Variants in PIGN observed in about 807,000 individuals in gnomAD.
PIGN encodes phosphatidylinositol glycan anchor biosynthesis class N.
A neutral mutation model predicts 125.4 loss-of-function variants in PIGN; 117 were observed. That is an observed-to-expected ratio of 0.93 (90% CI 0.80 to 1.09). The LOEUF is 1.09. Ranked by LOEUF, PIGN falls within the 50% of genes least tolerant of loss-of-function variation. PIGN has a pLI of 0.00. For missense variants in PIGN, 1,075 were observed against 1,094.9 expected (o/e 0.98, Z 0.26); for synonymous variants, 392 against 377.8 (o/e 1.04, Z -0.44).
intron 15 of PIGN, among the ~76,000 whole-genome samples, chr18:62,113,787 T>C (rs147008523): frequency 3.3e-5 from 5 of 152,160 alleles, no homozygotes; most frequent in African/African-American, 1.2e-4. Flanking sequence ...AATGCACGGA[T>C]TGGCAATTAT....
At chr18:62,153,604 T>C (rs2147430071) in intron 7 of PIGN, 1 of 152,294 alleles carries the variant, frequency 6.6e-6, no homozygotes, top group Admixed American at 6.5e-5. Flanking sequence ...AATCATTTTC[T>C]TACACAGATT....
intron 21 of PIGN, 70 bp from the exon 22 acceptor site, chr18:62,101,253 G>GTCTT (rs2034428111): frequency 2.4e-6 from 2 of 831,598 alleles, no homozygotes; most frequent in Non-Finnish European, 4.0e-6. Flanking sequence ...AAGAATGTAA[G>GTCTT]ACATTCTTAT....
At chr18:62,124,462 T>C (rs2035425457) in intron 14 of PIGN, among the ~76,000 whole-genome samples, 1 of 152,178 alleles carries the variant, frequency 6.6e-6, no homozygotes, top group Non-Finnish European at 1.5e-5. Flanking sequence ...TAAATCTCAC[T>C]AGCAAGGTAA....
chr18:62,093,857 T>C (rs2034067981), intron 23 of PIGN, among the ~76,000 whole-genome samples: 1 of 152,128 alleles, frequency 6.6e-6, no homozygotes, highest in African/African-American at 2.4e-5. Context: ...GCAAAACTGA[T>C]TTGACACTGA....
chr18:62,180,974 A>G (rs1347407034), intron 1 of PIGN, among the ~76,000 whole-genome samples: 1 of 152,082 alleles, frequency 6.6e-6, no homozygotes, highest in Non-Finnish European at 1.5e-5. Flanking sequence ...ACCTTTCATT[A>G]TTTAAAATTT....
chr18:62,086,119 T>G (rs2033686611), intron 25 of PIGN, among the ~76,000 whole-genome samples: 1 of 151,754 alleles, frequency 6.6e-6, no homozygotes, highest in Admixed American at 6.6e-5. Context: ...AATATAAACA[T>G]AAATAAAATA....
intron 23 of PIGN, among the ~76,000 whole-genome samples, chr18:62,020,507 G>GT (rs35743229): frequency 0.35 from 52,564 of 148,162 alleles, 10,437 homozygotes; most frequent in Admixed American, 0.46. Context: ...CTTTAAAACA[G>GT]TTTTTTTTTT....
chr18:62,057,086 A>T (rs139378147), intron 30 of PIGN, among the ~76,000 whole-genome samples: 1 of 152,198 alleles, frequency 6.6e-6, no homozygotes, highest in Non-Finnish European at 1.5e-5. Context: ...GGACCACTGT[A>T]CTAAAGGACT....
intron 6 of PIGN, among the ~76,000 whole-genome samples, chr18:62,155,554 G>C (rs964067669): frequency 6.6e-6 from 1 of 151,814 alleles, no homozygotes; most frequent in Non-Finnish European, 1.5e-5. Flanking sequence ...GGGCAACAAG[G>C]GCAAAACTCC....
At chr18:62,036,456 G>T (rs1194706238), downstream of PIGN, among the ~76,000 whole-genome samples, 1 of 152,142 alleles carries the variant, frequency 6.6e-6, no homozygotes, top group Non-Finnish European at 1.5e-5. Context: ...AAAAAGGAGA[G>T]TGGATACTGG....
rs145498211 is a variant in PIGN at position 62,164,143 on chromosome 18, A to T, written c.-235-487T>A. On this transcript the variant is annotated intron_variant, in intron 1 of 30. Coordinates refer to ENST00000640252, the MANE Select transcript of PIGN (RefSeq NM_176787.5). Reference sequence around the variant, plus strand: ...TGAGTGATATTATGAACATGGGTACACAATCAGTTTTGTTTTAAAATAAAC... The same window carrying T: ...TGAGTGATATTATGAACATGGGTACTCAATCAGTTTTGTTTTAAAATAAAC... 1.6e-3 allele frequency among the ~76,000 whole-genome samples: 240 copies of T among 152,318 alleles called. 1 individual carries two copies. The highest frequency in any genetic ancestry group is 5.4e-3 in the African/African-American group (224 of 41,580).
At chr18:62,050,784 T>G (rs1234773599) in intron 30 of PIGN, among the ~76,000 whole-genome samples, 1 of 152,098 alleles carries the variant, frequency 6.6e-6, no homozygotes, top group East Asian at 1.9e-4. Flanking sequence ...GTGTCAGTTT[T>G]CAAAGGGAAT....
At chr18:62,104,231 T>G (rs2034553323) in intron 20 of PIGN, among the ~76,000 whole-genome samples, 1 of 152,222 alleles carries the variant, frequency 6.6e-6, no homozygotes, top group Admixed American at 6.5e-5. Context: ...ATTTCTCATA[T>G]TTTAACAAGT....
intron 30 of PIGN, among the ~76,000 whole-genome samples, chr18:62,046,287 C>T (rs549450531): frequency 7.2e-5 from 11 of 152,002 alleles, no homozygotes; most frequent in African/African-American, 2.4e-4. Context: ...CTCCTGTATA[C>T]TTCAGACCAG....
At chr18:62,183,140 A>G (rs896254900) in intron 1 of PIGN, among the ~76,000 whole-genome samples, 1 of 152,204 alleles carries the variant, frequency 6.6e-6, no homozygotes, top group Non-Finnish European at 1.5e-5. Flanking sequence ...AAGGTAATGC[A>G]TTTGTTACTT....
At position 62,119,135 on chromosome 18, in the gene PIGN, C is replaced by T. The variant is rs142916117; in HGVS notation, c.1173-4496G>A. Among the ~76,000 whole-genome samples the T allele has an allele frequency of 1.6e-3, 240 of 152,188 alleles. 1 individual carries two copies. Among genetic ancestry groups the T allele is most frequent in the African/African-American group, 5.4e-3 (223 of 41,528 alleles). On this transcript the variant is annotated intron_variant, in intron 14 of 30. Coordinates refer to ENST00000640252, the MANE Select transcript of PIGN (RefSeq NM_176787.5). ...TCAAAGGAGGCTTAAAATCGCAGCA[C>T]GGCCTTGAGTCAGCCACTACTCTTT...
Position 62,138,611 on chromosome 18 carries a change from T to C in PIGN, c.1117-313A>G, listed in dbSNP as rs560176846. ...AAGCATTAAGAATAACAGAAGGTTT[T>C]AGTCAAAGGGTCACCTCTTTAAATT... is the stretch of plus-strand genomic sequence containing the variant. On this transcript the variant is annotated intron_variant, in intron 13 of 30. Coordinates refer to ENST00000640252, the MANE Select transcript of PIGN (RefSeq NM_176787.5). 2.6e-4 allele frequency among the ~76,000 whole-genome samples: 40 copies of C among 152,334 alleles called. 1 individual carries two copies. In the South Asian group the frequency reaches 7.9e-3, roughly 30 times the overall value.
chr18:62,065,944 G>A (rs1465965071), intron 30 of PIGN, among the ~76,000 whole-genome samples: 2 of 152,082 alleles, frequency 1.3e-5, no homozygotes, highest in African/African-American at 4.8e-5. Context: ...CTGTTCAGGG[G>A]CCTGCTTCTG....
At chr18:62,145,283 G>A (rs2036283065) in intron 10 of PIGN, among the ~76,000 whole-genome samples, 1 of 152,106 alleles carries the variant, frequency 6.6e-6, no homozygotes, top group East Asian at 1.9e-4. Context: ...CTGGCCTTTT[G>A]TCAATGTCTC....
Sources: allele counts gnomAD v4.1 joint callset (sites outside exome capture counted in the v4.1 genomes callset), GRCh38; gene constraint gnomAD v4.1.1; transcripts MANE v1.5; gene names NCBI Gene and HGNC (gene_info 2026-07-23, HGNC 2026-07-21).